DMD: variants seen among roughly 807,000 people sequenced by gnomAD.
DMD encodes the protein mutant dystrophin.
A neutral mutation model predicts 330.1 loss-of-function variants in DMD; 63 were observed. The ratio of observed to expected loss-of-function variants is 0.19; its 90% CI spans 0.16 to 0.24. DMD has a LOEUF of 0.24. Among genes scored for constraint, DMD ranks in the 10% least tolerant of loss-of-function variants. The pLI is 1.00. For synonymous variants in DMD, 1,223 were observed against 959.8 expected, an observed-to-expected ratio of 1.27 and a Z score of -5.07; for missense variants, 3,344 against 2,684.1, an observed-to-expected ratio of 1.25 and a Z score of -5.43.
chrX:32,255,467 A>C (rs1217303964), intron 43 of DMD, among the ~76,000 whole-genome samples: 1 of 110,305 alleles, frequency 9.1e-6, no homozygotes, highest in Non-Finnish European at 1.9e-5. Flanking sequence ...AGAGTTTAAT[A>C]GTTGTGAGAT....
chrX:32,194,223 A>G (rs1168789818), intron 44 of DMD, among the ~76,000 whole-genome samples: 1 of 111,968 alleles, frequency 8.9e-6, no homozygotes, highest in Non-Finnish European at 1.9e-5. Context: ...ATTTGCATAT[A>G]ATAAAGTGCA....
chrX:31,418,923 T>C (rs2063217061), intron 60 of DMD, among the ~76,000 whole-genome samples: 1 of 111,846 alleles, frequency 8.9e-6, no homozygotes, highest in Admixed American at 9.5e-5. Flanking sequence ...TGGCACTGAC[T>C]TATTTACTAG....
At chrX:33,166,335 G>C (rs1354275317) in intron 1 of DMD, among the ~76,000 whole-genome samples, 1 of 110,889 alleles carries the variant, frequency 9.0e-6, no homozygotes, top group Non-Finnish European at 1.9e-5. Context: ...ATGTGAGAAA[G>C]AGATTAACAG....
chrX:31,932,574 C>T (rs187708894), intron 45 of DMD, among the ~76,000 whole-genome samples: 12 of 110,800 alleles, frequency 1.1e-4, no homozygotes, highest in Admixed American at 7.7e-4. Flanking sequence ...GGTGAAACCC[C>T]GTCTACACTA....
chrX:31,863,208 T>G (rs1227012512), intron 48 of DMD, among the ~76,000 whole-genome samples: 2 of 112,149 alleles, frequency 1.8e-5, no homozygotes, highest in African/African-American at 6.5e-5. Context: ...CCGGGCGTGG[T>G]GGCGGGCGCC....
chrX:31,427,695 T>C (rs1478022791), intron 60 of DMD, among the ~76,000 whole-genome samples: 1 of 111,641 alleles, frequency 9.0e-6, no homozygotes, highest in Non-Finnish European at 1.9e-5. Flanking sequence ...GCTTGAGTGG[T>C]AGAGGTCCCA....
chrX:31,378,713 C>T (rs1257716149), intron 60 of DMD, among the ~76,000 whole-genome samples: 1 of 109,177 alleles, frequency 9.2e-6, no homozygotes, highest in Non-Finnish European at 1.9e-5. Context: ...GAACCCCCCA[C>T]CCCTTCTCTC....
At chrX:32,329,675 T>C (rs2097669426) in intron 41 of DMD, among the ~76,000 whole-genome samples, 1 of 112,583 alleles carries the variant, frequency 8.9e-6, no homozygotes. Flanking sequence ...GGGTCACAGA[T>C]GGAGTTATAT....
intron 30 of DMD, among the ~76,000 whole-genome samples, chrX:32,403,869 T>C (rs979114312): frequency 1.8e-5 from 2 of 112,130 alleles, no homozygotes; most frequent in African/African-American, 6.5e-5. Context: ...ATTATCCAAT[T>C]ACCACATAAA....
At chrX:31,929,364 G>A (rs1603615752) in intron 47 of DMD, among the ~76,000 whole-genome samples, 1 of 111,595 alleles carries the variant, frequency 9.0e-6, no homozygotes, top group African/African-American at 3.3e-5. Context: ...GCAAAAAATT[G>A]TGGTATAAAT....
intron 54 of DMD, among the ~76,000 whole-genome samples, chrX:31,631,076 C>T (rs915482466): frequency 1.8e-5 from 2 of 111,397 alleles, no homozygotes; most frequent in Non-Finnish European, 3.8e-5. Flanking sequence ...GCACCAGCAA[C>T]GTCTGAGAAG....
chrX:33,115,788 C>T (rs2095379333), intron 1 of DMD, among the ~76,000 whole-genome samples: 2 of 109,660 alleles, frequency 1.8e-5, no homozygotes, highest in Admixed American at 9.7e-5. Flanking sequence ...GGATTACAGG[C>T]GTGAGCCACT....
rs1277480435 is a variant in DMD, at chrX:32,468,565, A to G, written c.3095T>C (p.Leu1032Pro). The change falls in exon 23 of 79, where the codon CTC becomes CCC. Residue 1032 changes from leucine to proline, a missense_variant. Coordinates refer to ENST00000357033, the MANE Select transcript of DMD (RefSeq NM_004006.3). ...FEEIEGRWKK[L>P]SSQLVEHCQK... The stretch of plus-strand genomic sequence containing the variant: ...ACAATGCTCAACCAGCTGGGAGGAG[A>G]GCTTCTTCCAGCGTCCCTCAATTTC... The G allele has an allele frequency of 1.7e-6, 2 of 1,209,969 alleles. No homozygotes were observed. Among genetic ancestry groups the G allele is most frequent in the South Asian group, 1.8e-5 (1 of 56,796 alleles).
intron 2 of DMD, among the ~76,000 whole-genome samples, chrX:32,957,187 T>C (rs2091644345): frequency 8.9e-6 from 1 of 111,737 alleles, no homozygotes; most frequent in African/African-American, 3.2e-5. Flanking sequence ...TATACTTATT[T>C]GTTTTTCTTG....
At chrX:31,269,320 A>G (rs970543001) in intron 62 of DMD, among the ~76,000 whole-genome samples, 3 of 111,408 alleles carry the variant, frequency 2.7e-5, no homozygotes, top group African/African-American at 9.8e-5. Context: ...TTTATAGTAG[A>G]TGTTTCTTCT....
intron 16 of DMD, among the ~76,000 whole-genome samples, chrX:32,563,462 G>A (rs1164567594): frequency 3.7e-5 from 4 of 109,435 alleles, no homozygotes; most frequent in Non-Finnish European, 7.6e-5. Context: ...TCTTGTCTAT[G>A]CCTCCATTTT....
intron 7 of DMD, among the ~76,000 whole-genome samples, chrX:32,742,927 ATAAG>A (rs748856955): frequency 2.1e-4 from 23 of 111,906 alleles, no homozygotes; most frequent in African/African-American, 7.1e-4. Context: ...CCAAGAGAGG[ATAAG>A]TAAGTTGCCA....
At chrX:32,892,071 C>T (rs1011597571) in intron 2 of DMD, among the ~76,000 whole-genome samples, 1 of 112,082 alleles carries the variant, frequency 8.9e-6, no homozygotes, top group Non-Finnish European at 1.9e-5. Flanking sequence ...CTCCAAGTTA[C>T]TTCCTGAAAA....
intron 52 of DMD, among the ~76,000 whole-genome samples, chrX:31,719,636 C>A (rs924378053): frequency 1.1e-4 from 12 of 111,800 alleles, no homozygotes; most frequent in African/African-American, 3.6e-4. Context: ...TACAAGTAGT[C>A]TGCAACTTTT....
Sources: allele counts gnomAD v4.1 joint callset (sites outside exome capture counted in the v4.1 genomes callset), GRCh38; gene constraint gnomAD v4.1.1; transcripts MANE v1.5; gene names NCBI Gene and HGNC (gene_info 2026-07-23, HGNC 2026-07-21).